Variants in SULF2 observed in about 807,000 individuals in gnomAD.
SULF2 encodes sulfatase 2.
A neutral mutation model predicts 107.7 loss-of-function variants in SULF2; 52 were observed. The ratio of observed to expected loss-of-function variants is 0.48; its 90% confidence interval spans 0.39 to 0.61. The LOEUF is 0.61. Among genes scored for constraint, SULF2 ranks in the 20% least tolerant of loss-of-function variants. SULF2 has a pLI of 0.00. For missense variants in SULF2, 993 were observed against 1,177.3 expected, an observed-to-expected ratio of 0.84 and a Z score of 2.29; for synonymous variants, 460 against 464.3, an observed-to-expected ratio of 0.99 and a Z score of 0.12.
chr20:47,671,037 C>T (rs1031218020), intron 11 of SULF2, among the ~76,000 whole-genome samples: 4 of 152,158 alleles, frequency 2.6e-5, no homozygotes, highest in African/African-American at 7.2e-5. Context: ...CAGGCTCATT[C>T]TTGTTTTAAA....
intron 4 of SULF2, among the ~76,000 whole-genome samples, chr20:47,699,751 CA>C (rs2088501895): frequency 6.6e-6 from 1 of 152,156 alleles, no homozygotes; most frequent in African/African-American, 2.4e-5. Context: ...CAATATTTAC[CA>C]ATCAGGAGAT....
chr20:47,734,071 T>C (rs1172680321), intron 3 of SULF2, among the ~76,000 whole-genome samples: 3 of 152,212 alleles, frequency 2.0e-5, no homozygotes, highest in Admixed American at 2.0e-4. Flanking sequence ...TGGGCAAATG[T>C]CCACCTAGAA....
intron 2 of SULF2, among the ~76,000 whole-genome samples, chr20:47,742,601 T>G (rs1464891321): frequency 6.6e-6 from 1 of 152,170 alleles, no homozygotes; most frequent in Non-Finnish European, 1.5e-5. Flanking sequence ...ACGGTGGCTT[T>G]TTGGGGGCCT....
intron 3 of SULF2, among the ~76,000 whole-genome samples, chr20:47,727,865 TTCACTTA>T (rs1462643726): frequency 1.3e-5 from 2 of 152,228 alleles, no homozygotes; most frequent in Non-Finnish European, 1.5e-5. Flanking sequence ...AAACAAGTGC[TTCACTTA>T]TTTTGAAATC....
intron 1 of SULF2, among the ~76,000 whole-genome samples, chr20:47,774,179 C>T (rs1038055856): frequency 1.4e-4 from 22 of 152,332 alleles, no homozygotes; most frequent in African/African-American, 3.8e-4. Flanking sequence ...AGGTCGGCTT[C>T]CCAATGTGGC....
chr20:47,748,708 G>A (rs1315826358), intron 2 of SULF2, among the ~76,000 whole-genome samples: 2 of 152,222 alleles, frequency 1.3e-5, no homozygotes, highest in Admixed American at 1.3e-4. Flanking sequence ...GGAGAAAGAA[G>A]AGAGTGAGGT....
intron 1 of SULF2, among the ~76,000 whole-genome samples, chr20:47,758,077 A>G (rs554268818): frequency 6.6e-6 from 1 of 151,752 alleles, no homozygotes; most frequent in East Asian, 1.9e-4. Flanking sequence ...ATGAGTAGAC[A>G]GGGCTGTTGT....
At chr20:47,753,401 T>A (rs1242100800) in intron 2 of SULF2, among the ~76,000 whole-genome samples, 1 of 152,220 alleles carries the variant, frequency 6.6e-6, no homozygotes, top group Non-Finnish European at 1.5e-5. Context: ...ATCCTGCTGA[T>A]GAGGCCAAGA....
chr20:47,777,405 G>A (rs534683614), intron 1 of SULF2, among the ~76,000 whole-genome samples: 3 of 152,294 alleles, frequency 2.0e-5, no homozygotes, highest in Admixed American at 6.5e-5. Context: ...AGGGTGATGC[G>A]ACGTCTGGAG....
At chr20:47,669,595 A>G (rs2087395447) in intron 11 of SULF2, among the ~76,000 whole-genome samples, 1 of 151,378 alleles carries the variant, frequency 6.6e-6, no homozygotes, top group African/African-American at 2.4e-5. Context: ...CTTGTCGGAG[A>G]CTCTAGCAGG....
At chr20:47,685,038 A>G (rs1420769531) in intron 5 of SULF2, 1 of 153,488 alleles carries the variant, frequency 6.5e-6, no homozygotes, top group Non-Finnish European at 1.4e-5. Flanking sequence ...TTATTGGTAG[A>G]TGGCAGTTAC....
At chr20:47,728,436 G>C (rs1254041814) in intron 3 of SULF2, among the ~76,000 whole-genome samples, 4 of 152,088 alleles carry the variant, frequency 2.6e-5, no homozygotes, top group African/African-American at 4.8e-5. Context: ...TGAGATGGTG[G>C]GAGTGGGGGT....
chr20:47,723,540 T>C (rs906146481), intron 3 of SULF2, among the ~76,000 whole-genome samples: 1 of 152,074 alleles, frequency 6.6e-6, no homozygotes, highest in Non-Finnish European at 1.5e-5. Flanking sequence ...GGCAGGCGAG[T>C]GAGCAAACTT....
At chr20:47,731,342 A>C (rs1341038434) in intron 3 of SULF2, among the ~76,000 whole-genome samples, 1 of 151,508 alleles carries the variant, frequency 6.6e-6, no homozygotes, top group Non-Finnish European at 1.5e-5. Flanking sequence ...ACAGGTGTAC[A>C]TCACCATGCC....
intron 17 of SULF2, 68 bp downstream of exon 17, chr20:47,663,001 TG>T (rs539195018): frequency 2.4e-4 from 379 of 1,560,074 alleles, no homozygotes; most frequent in African/African-American, 1.2e-3. Context: ...TCCCTGAGGT[TG>T]GGGGGGGCCT....
At chr20:47,769,322 G>T (rs6094827) in intron 1 of SULF2, among the ~76,000 whole-genome samples, 3 of 151,098 alleles carry the variant, frequency 2.0e-5, no homozygotes, top group African/African-American at 2.4e-5. Context: ...CTACAGGCGT[G>T]AGCCACCGCG....
chr20:47,780,209 G>A (rs947932812), intron 1 of SULF2, among the ~76,000 whole-genome samples: 4 of 151,846 alleles, frequency 2.6e-5, no homozygotes, highest in Non-Finnish European at 5.9e-5. Context: ...CAGAGATGAG[G>A]TTTCACCGTG....
At chr20:47,781,137 C>G (rs2090826453) in intron 1 of SULF2, among the ~76,000 whole-genome samples, 1 of 152,272 alleles carries the variant, frequency 6.6e-6, no homozygotes, top group African/African-American at 2.4e-5. Flanking sequence ...AGGCCCCATC[C>G]TTCAGACAGT....
intron 3 of SULF2, among the ~76,000 whole-genome samples, chr20:47,722,450 C>T (rs2089320889): frequency 6.6e-6 from 1 of 151,910 alleles, no homozygotes; most frequent in Non-Finnish European, 1.5e-5. Context: ...TTTGTAGAGA[C>T]AGGGTCTCTC....
Sources: allele counts gnomAD v4.1 joint callset (sites outside exome capture counted in the v4.1 genomes callset), GRCh38; gene constraint gnomAD v4.1.1; transcripts MANE v1.5; gene names NCBI Gene and HGNC (gene_info 2026-07-23, HGNC 2026-07-21).